Variants in IKBKB-DT observed in about 807,000 individuals in gnomAD.
IKBKB-DT encodes the protein IKBKB antisense RNA.
intron 1 of IKBKB-DT, chr8:42,270,439 G>C (rs1178318324): frequency 2.0e-5 from 3 of 152,340 alleles, no homozygotes; most frequent in Non-Finnish European, 2.9e-5. Flanking sequence ...GGGTGACAGA[G>C]CGAGATAATA....
chr8:42,238,022 C>A (rs71521576), intron 3 of IKBKB-DT, among the ~76,000 whole-genome samples: 1 of 65,510 alleles, frequency 1.5e-5, no homozygotes, highest in Non-Finnish European at 2.7e-5. Flanking sequence ...AAGGCCCTCT[C>A]TCAAAAAAAA....
intron 3 of IKBKB-DT, among the ~76,000 whole-genome samples, chr8:42,261,569 C>T (rs957429702): frequency 3.9e-5 from 6 of 152,134 alleles, no homozygotes; most frequent in South Asian, 4.1e-4. Flanking sequence ...TAAAAATAAC[C>T]GAGGTTATTT....
At chr8:42,248,314 C>G (rs1205231901) in intron 3 of IKBKB-DT, among the ~76,000 whole-genome samples, 1 of 152,114 alleles carries the variant, frequency 6.6e-6, no homozygotes, top group African/African-American at 2.4e-5. Context: ...TGATTCCTAA[C>G]AGGCCACAGA....
At chr8:42,246,027 C>A (rs916674853) in intron 3 of IKBKB-DT, among the ~76,000 whole-genome samples, 4 of 152,100 alleles carry the variant, frequency 2.6e-5, no homozygotes, top group Non-Finnish European at 5.9e-5. Flanking sequence ...GAGATATTTT[C>A]TTTTATGCTT....
chr8:42,250,805 C>T, intron 3 of IKBKB-DT, among the ~76,000 whole-genome samples: 1 of 152,162 alleles, frequency 6.6e-6, no homozygotes, highest in East Asian at 1.9e-4. Flanking sequence ...ATTGCTAGAA[C>T]CTGGAGGATC....
intron 3 of IKBKB-DT, among the ~76,000 whole-genome samples, chr8:42,237,916 T>C (rs1467756222): frequency 2.0e-5 from 3 of 147,738 alleles, no homozygotes; most frequent in Non-Finnish European, 4.5e-5. Flanking sequence ...TCCCAGCTAC[T>C]CCAGAGGCTG....
At chr8:42,269,700 C>G (rs980922615) in intron 1 of IKBKB-DT, among the ~76,000 whole-genome samples, 1 of 151,894 alleles carries the variant, frequency 6.6e-6, no homozygotes, top group African/African-American at 2.4e-5. Flanking sequence ...GAGCAGCCAG[C>G]GTGCCTAGCA....
At chr8:42,241,331 G>T (rs529720864) in intron 3 of IKBKB-DT, among the ~76,000 whole-genome samples, 3 of 143,724 alleles carry the variant, frequency 2.1e-5, no homozygotes, top group Admixed American at 1.5e-4. Flanking sequence ...CATTTTCTGG[G>T]GAAAAACTGG....
chr8:42,259,014 T>TTTTCTTTC (rs547488913), intron 3 of IKBKB-DT, among the ~76,000 whole-genome samples: 204 of 151,990 alleles, frequency 1.3e-3, no homozygotes, highest in African/African-American at 4.8e-3. Flanking sequence ...TCATAGCAGT[T>TTTTCTTTC]TTTCTTTCTT....
chr8:42,254,298 T>C (rs974457314), intron 3 of IKBKB-DT, among the ~76,000 whole-genome samples: 1 of 152,248 alleles, frequency 6.6e-6, no homozygotes, highest in African/African-American at 2.4e-5. Flanking sequence ...TAAAGACTAA[T>C]TTGCAAAATA....
At chr8:42,264,517 T>C (rs1330502326) in intron 2 of IKBKB-DT, among the ~76,000 whole-genome samples, 1 of 152,228 alleles carries the variant, frequency 6.6e-6, no homozygotes, top group Non-Finnish European at 1.5e-5. Context: ...TTTTTATAGA[T>C]GTAAATTTCC....
chr8:42,259,493 T>C (rs1342741973), intron 3 of IKBKB-DT, among the ~76,000 whole-genome samples: 1 of 152,232 alleles, frequency 6.6e-6, no homozygotes, highest in African/African-American at 2.4e-5. Context: ...ATATTTATCA[T>C]TTAATTTAAC....
chr8:42,264,348 G>T (rs117169307), intron 2 of IKBKB-DT, among the ~76,000 whole-genome samples: 2 of 151,816 alleles, frequency 1.3e-5, no homozygotes, highest in African/African-American at 2.4e-5. Context: ...TAGAGATGGG[G>T]TCTCCCTATA....
chr8:42,262,933 G>T (rs1456534441), intron 3 of IKBKB-DT, among the ~76,000 whole-genome samples: 1 of 151,912 alleles, frequency 6.6e-6, no homozygotes, highest in Non-Finnish European at 1.5e-5. Flanking sequence ...TAGAGACAGG[G>T]TCTTGCTGTG....
At chr8:42,267,078 G>A (rs1807382941) in intron 1 of IKBKB-DT, among the ~76,000 whole-genome samples, 1 of 147,408 alleles carries the variant, frequency 6.8e-6, no homozygotes, top group African/African-American at 2.5e-5. Flanking sequence ...TTGGCTCACT[G>A]CAAGATCCAT....
intron 3 of IKBKB-DT, among the ~76,000 whole-genome samples, chr8:42,237,107 G>C (rs1421145113): frequency 6.8e-6 from 1 of 147,964 alleles, no homozygotes; most frequent in African/African-American, 2.5e-5. Flanking sequence ...GTTTGTTTTT[G>C]AGATGGAGTC....
chr8:42,269,774 C>T (rs1232496719), intron 1 of IKBKB-DT, among the ~76,000 whole-genome samples: 3 of 152,086 alleles, frequency 2.0e-5, no homozygotes, highest in African/African-American at 7.2e-5. Flanking sequence ...AACTTCAACC[C>T]CAGGGCTGTC....
At chr8:42,259,270 TC>T (rs1197095699) in intron 3 of IKBKB-DT, among the ~76,000 whole-genome samples, 2 of 151,892 alleles carry the variant, frequency 1.3e-5, no homozygotes, top group Non-Finnish European at 2.9e-5. Context: ...GGTGATCTGC[TC>T]CCCTTGGCCT....
chr8:42,253,384 A>G (rs756549928), intron 3 of IKBKB-DT, among the ~76,000 whole-genome samples: 1 of 152,306 alleles, frequency 6.6e-6, no homozygotes, highest in African/African-American at 2.4e-5. Flanking sequence ...TGGATCATCA[A>G]TCAAAGAGTC....
Sources: allele counts gnomAD v4.1 joint callset (sites outside exome capture counted in the v4.1 genomes callset), GRCh38; gene constraint gnomAD v4.1.1; transcripts MANE v1.5; gene names NCBI Gene and HGNC (gene_info 2026-07-23, HGNC 2026-07-21).